HS6ST2: variants seen among roughly 807,000 people sequenced by gnomAD.
HS6ST2 encodes the protein heparan sulfate 6-O-sulfotransferase 2, also known as heparan-sulfate 6-O-sulfotransferase 2.
Under a neutral mutation model 33.0 loss-of-function variants are expected in HS6ST2, and 17 were observed. The ratio of observed to expected loss-of-function variants is 0.52; its 90% CI spans 0.35 to 0.77. The LOEUF (loss-of-function observed/expected upper bound fraction) is 0.77. Ranked by LOEUF, HS6ST2 falls within the 30% of genes least tolerant of loss-of-function variation. The pLI is 0.01. For synonymous variants in HS6ST2, 248 were observed against 237.1 expected (o/e 1.05, Z -0.42); for missense variants, 519 against 551.7 (o/e 0.94, Z 0.59).
intron 3 of HS6ST2, among the ~76,000 whole-genome samples, chrX:132,682,590 T>C (rs1265990360): frequency 9.0e-6 from 1 of 110,987 alleles, no homozygotes; most frequent in African/African-American, 3.3e-5. Flanking sequence ...TCTCCTGGGA[T>C]TCTTAGAATT....
At chrX:132,780,437 C>A (rs1040148507) in intron 2 of HS6ST2, among the ~76,000 whole-genome samples, 4 of 111,194 alleles carry the variant, frequency 3.6e-5, no homozygotes, top group Middle Eastern at 9.3e-3. Flanking sequence ...ACTTTGCATG[C>A]ATCCTATCAT....
At chrX:132,884,695 A>C (rs915935609) in intron 2 of HS6ST2, among the ~76,000 whole-genome samples, 2 of 111,758 alleles carry the variant, frequency 1.8e-5, no homozygotes, top group Admixed American at 9.5e-5. Context: ...CAATTAGATA[A>C]GAAGAATGAT....
intron 2 of HS6ST2, among the ~76,000 whole-genome samples, chrX:132,807,521 GC>G (rs1337925213): frequency 9.0e-6 from 1 of 111,105 alleles, no homozygotes; most frequent in Non-Finnish European, 1.9e-5. Context: ...CAGTGCCAGG[GC>G]TCATGCTTAT....
intron 2 of HS6ST2, among the ~76,000 whole-genome samples, chrX:132,802,206 G>A (rs774602046): frequency 9.8e-5 from 11 of 112,193 alleles, no homozygotes; most frequent in Non-Finnish European, 1.7e-4. Flanking sequence ...CTTAGCTCAC[G>A]GAAGACTAAC....
At chrX:132,901,481 C>A (rs1315468646) in intron 2 of HS6ST2, among the ~76,000 whole-genome samples, 1 of 111,249 alleles carries the variant, frequency 9.0e-6, no homozygotes, top group Non-Finnish European at 1.9e-5. Flanking sequence ...CAATAGACAG[C>A]AAGCAAAGAG....
intron 2 of HS6ST2, among the ~76,000 whole-genome samples, chrX:132,898,238 G>C (rs1202647258): frequency 1.8e-5 from 2 of 109,670 alleles, no homozygotes; most frequent in Non-Finnish European, 3.8e-5. Flanking sequence ...GTGCCAAAAT[G>C]ATTGGGGAAC....
intron 2 of HS6ST2, among the ~76,000 whole-genome samples, chrX:132,720,053 A>C (rs924674911): frequency 3.6e-5 from 4 of 112,481 alleles, no homozygotes; most frequent in African/African-American, 1.3e-4. Flanking sequence ...TCTGCATCCA[A>C]CACTAGGCAG....
rs2063479630 is a variant in HS6ST2 at position 132,626,121 on chromosome X, T to A, written c.*2102A>T. 9.3e-6 allele frequency: 1 copy of A among 107,751 alleles called. No homozygotes were observed. The highest frequency in any genetic ancestry group is 9.9e-5 in the Admixed American group (1 of 10,076). The allele number at this position is 107,751 out of a possible 1,213,427, so 8.9% of individuals were successfully genotyped here. On this transcript the variant is annotated 3_prime_UTR_variant, in exon 5 of 5. Coordinates refer to ENST00000370833, the MANE Select transcript of HS6ST2 (RefSeq NM_001394073.1). The stretch of plus-strand genomic sequence containing the variant: ...ATGTTTACAGTTGAAATCATGGGAT[T>A]TACATAATGGCAAAAATGTATATGT...
intron 2 of HS6ST2, among the ~76,000 whole-genome samples, chrX:132,903,724 G>A (rs191511613): frequency 2.7e-5 from 3 of 111,831 alleles, no homozygotes; most frequent in African/African-American, 9.7e-5. Context: ...TAGGATTTGT[G>A]ACCATTATTT....
At chrX:132,673,421 C>T (rs1217704775) in intron 3 of HS6ST2, among the ~76,000 whole-genome samples, 1 of 112,462 alleles carries the variant, frequency 8.9e-6, no homozygotes, top group Admixed American at 9.4e-5. Flanking sequence ...GGACTCCAGT[C>T]ACTGAAGGTT....
At chrX:132,679,266 G>A (rs867374332) in intron 3 of HS6ST2, among the ~76,000 whole-genome samples, 39 of 112,064 alleles carry the variant, frequency 3.5e-4, no homozygotes, top group African/African-American at 1.2e-3. Flanking sequence ...CTATAGTCAC[G>A]TAGGTTCTTT....
chrX:132,711,670 C>T (rs983077848), intron 2 of HS6ST2, among the ~76,000 whole-genome samples: 3 of 111,524 alleles, frequency 2.7e-5, no homozygotes, highest in Non-Finnish European at 3.8e-5. Context: ...GCACAGCCTT[C>T]GAAGAGTTTA....
intron 2 of HS6ST2, among the ~76,000 whole-genome samples, chrX:132,820,466 G>A (rs1322483950): frequency 9.0e-6 from 1 of 111,485 alleles, no homozygotes; most frequent in African/African-American, 3.3e-5. Flanking sequence ...CTGAACCCAG[G>A]AGCCAGAGAA....
chrX:132,848,619 A>T (rs1464556446), intron 2 of HS6ST2, among the ~76,000 whole-genome samples: 1 of 111,723 alleles, frequency 9.0e-6, no homozygotes, highest in Non-Finnish European at 1.9e-5. Flanking sequence ...TTAACTCCCG[A>T]AAACACAAGA....
At chrX:132,843,377 T>C in intron 2 of HS6ST2, among the ~76,000 whole-genome samples, 1 of 112,091 alleles carries the variant, frequency 8.9e-6, no homozygotes, top group Non-Finnish European at 1.9e-5. Context: ...TCCTTAATAT[T>C]TTGCAAAGCA....
intron 2 of HS6ST2, among the ~76,000 whole-genome samples, chrX:132,786,243 C>G (rs2095342246): frequency 8.9e-6 from 1 of 111,806 alleles, no homozygotes; most frequent in Non-Finnish European, 1.9e-5. Context: ...AGCTGGATGA[C>G]TATGTTCAAT....
chrX:132,924,124 A>G (rs1226784795), intron 2 of HS6ST2, among the ~76,000 whole-genome samples: 1 of 112,545 alleles, frequency 8.9e-6, no homozygotes, highest in Non-Finnish European at 1.9e-5. Context: ...GGTATGGCAC[A>G]TAAGCTAAAT....
At chrX:132,944,122 C>A (rs1161463440) in intron 2 of HS6ST2, among the ~76,000 whole-genome samples, 2 of 111,665 alleles carry the variant, frequency 1.8e-5, no homozygotes, top group Non-Finnish European at 3.8e-5. Context: ...ATCGTCTCAG[C>A]CCAAAACCTC....
rs761126975 is a variant in HS6ST2, at chrX:132,908,509, A to G, written c.947+48299T>C. ...CTGAAAACAATCTGAATGTCCATCA[A>G]CCAATGAATGAATAAATAAATTGTG... On this transcript the variant is annotated intron_variant, in intron 2 of 4. Transcript: ENST00000370833. Among the ~76,000 whole-genome samples the G allele has an allele frequency of 6.2e-5, 7 of 112,829 alleles. No individual in the cohort carries two copies. In the East Asian group the frequency reaches 1.9e-3, roughly 31 times the overall value.
Sources: allele counts gnomAD v4.1 joint callset (sites outside exome capture counted in the v4.1 genomes callset), GRCh38; gene constraint gnomAD v4.1.1; transcripts MANE v1.5; gene names NCBI Gene and HGNC (gene_info 2026-07-23, HGNC 2026-07-21).